Variants in MLYCD observed in about 807,000 individuals in gnomAD.
MLYCD encodes the protein malonyl-CoA decarboxylase.
Under a neutral mutation model 35.8 loss-of-function variants are expected in MLYCD, and 27 were observed. That is an observed-to-expected ratio of 0.75 (90% confidence interval 0.56 to 1.04). The LOEUF is 1.04. Ranked by LOEUF, MLYCD falls within the 50% of genes least tolerant of loss-of-function variation. The pLI is 0.00. For synonymous variants in MLYCD, 403 were observed against 302.4 expected, an observed-to-expected ratio of 1.33 and a Z score of -3.45; for missense variants, 917 against 665.1, an observed-to-expected ratio of 1.38 and a Z score of -4.17.
At chr16:83,905,993 T>G (rs763429168) in intron 1 of MLYCD, among the ~76,000 whole-genome samples, 1 of 152,182 alleles carries the variant, frequency 6.6e-6, no homozygotes, top group Non-Finnish European at 1.5e-5. Flanking sequence ...AGATACAATA[T>G]AAATAAGTGA....
At chr16:83,903,123 T>C (rs548783120) in intron 1 of MLYCD, among the ~76,000 whole-genome samples, 115 of 152,200 alleles carry the variant, frequency 7.6e-4, no homozygotes, top group Non-Finnish European at 1.4e-3. Context: ...TCGAGGAAGG[T>C]TGGCCTTTAA....
rs758786261 is a variant in MLYCD, at chr16:83,912,292, C to T, written c.873C>T (p.Ile291=). 1 of 1,614,190 alleles carries T rather than the reference C, an allele frequency of 6.2e-7. No individual in the cohort carries two copies. The highest frequency in any genetic ancestry group is 1.3e-5 in the African/African-American group (1 of 75,064). The stretch of plus-strand genomic sequence containing the variant: ...TCACTGCTGCGATCTTTTATTCCAT[C>T]AGCTTGACCCAGCAGGGACTCCAAG... ...NKITAAIFYS[I]SLTQQGLQGV... The change falls in exon 4 of 5, where the codon ATC becomes ATT. Residue 291 remains isoleucine (I), a synonymous_variant. Coordinates refer to ENST00000262430, the MANE Select transcript of MLYCD (RefSeq NM_012213.3).
Position 83,915,968 on chromosome 16 carries a change from A to C in MLYCD, c.*479A>C. 9.6e-7 allele frequency: 1 copy of C among 1,044,212 alleles called. No homozygotes were observed. The highest frequency in any genetic ancestry group is 1.2e-6 in the Non-Finnish European group (1 of 864,296). 64.7% of individuals were successfully genotyped at this position (1,044,212 alleles called of 1,614,324 possible). On this transcript the variant is annotated 3_prime_UTR_variant, in exon 5 of 5. Coordinates refer to ENST00000262430, the MANE Select transcript of MLYCD (RefSeq NM_012213.3). ...CTCACCATGCAATGCAGAGGGACAA[A>C]GGGCTGTGCTACACTTCCCAGTTAC...
chr16:83,914,657 T>TG lies in MLYCD; in HGVS notation c.949-297dup, dbSNP rs373995402. 5.1e-4 allele frequency: 222 copies of TG among 438,166 alleles called. 1 individual carries two copies. Among genetic ancestry groups the TG allele is most frequent in the African/African-American group, 4.2e-3 (209 of 49,930 alleles). 27.1% of individuals were successfully genotyped at this position (438,166 alleles called of 1,614,324 possible). A position where few individuals can be genotyped will look rare whatever the true frequency, so the allele number is the denominator to read the frequency against. The stretch of plus-strand genomic sequence containing the variant: ...TGCTGGGTGTGGCGGCGCGAGCCTG[T>TG]GGTCCCAGCTACTCAGCAGGCTGAG... On this transcript the variant is annotated intron_variant, in intron 4 of 4. Transcript: ENST00000262430.
intron 1 of MLYCD, among the ~76,000 whole-genome samples, chr16:83,899,904 A>G (rs1030583197): frequency 2.0e-5 from 3 of 152,320 alleles, no homozygotes; most frequent in Middle Eastern, 3.4e-3. Flanking sequence ...CCTCACTTGT[A>G]TAGTGTTTAC....
chr16:83,899,932 G>A (rs1906724308), intron 1 of MLYCD, among the ~76,000 whole-genome samples: 1 of 152,192 alleles, frequency 6.6e-6, no homozygotes, highest in Non-Finnish European at 1.5e-5. Flanking sequence ...TCAGCACTTG[G>A]TGGTCTTTAA....
chr16:83,910,464 C>A (rs1355003817), intron 3 of MLYCD, among the ~76,000 whole-genome samples: 1 of 151,972 alleles, frequency 6.6e-6, no homozygotes, highest in Non-Finnish European at 1.5e-5. Context: ...AGGAGGCAGC[C>A]GGATCACCTG....
At chr16:83,909,643 C>T (rs1157384282) in intron 3 of MLYCD, among the ~76,000 whole-genome samples, 21 of 135,006 alleles carry the variant, frequency 1.6e-4, no homozygotes, top group African/African-American at 4.8e-4. Flanking sequence ...TTTTTTGAAG[C>T]GGAGTTTCGC....
chr16:83,905,893 G>C (rs923723384), intron 1 of MLYCD, among the ~76,000 whole-genome samples: 2 of 152,242 alleles, frequency 1.3e-5, no homozygotes, highest in Non-Finnish European at 2.9e-5. Context: ...CGCTGCTCCT[G>C]CTCAGGGCCT....
chr16:83,923,159 T>G lies in MLYCD; in HGVS notation c.*7670T>G, dbSNP rs1375700106. On this transcript the variant is annotated 3_prime_UTR_variant, in exon 5 of 5. Coordinates refer to ENST00000262430, the MANE Select transcript of MLYCD (RefSeq NM_012213.3). ...CCTCCAGGGCAAGAACAACCAAGAG[T>G]TGCTCCCAAGAGGGCTTCCCTCCTC... is the stretch of plus-strand genomic sequence containing the variant. 1.3e-5 allele frequency: 2 copies of G among 152,226 alleles called. No homozygotes were observed. Among genetic ancestry groups the G allele is most frequent in the Non-Finnish European group, 2.9e-5 (2 of 68,072 alleles). 9.4% of individuals were successfully genotyped at this position (152,226 alleles called of 1,614,324 possible).
Position 83,899,120 on chromosome 16 carries a change from C to A in MLYCD, c.-25C>A, listed in dbSNP as rs1050690115. 2.7e-6 allele frequency: 3 copies of A among 1,104,608 alleles called. No homozygotes were observed. Among genetic ancestry groups the A allele is most frequent in the East Asian group, 5.8e-5 (1 of 17,112 alleles). 68.4% of individuals were successfully genotyped at this position (1,104,608 alleles called of 1,614,324 possible). ...AGCGCGGCAGCGGCGGCGGCGCTCC[C>A]CCTCGGCAGCTGTTGTGGGGCACCA... On this transcript the variant is annotated 5_prime_UTR_variant, in exon 1 of 5. Transcript: ENST00000262430.
intron 1 of MLYCD, among the ~76,000 whole-genome samples, chr16:83,902,032 T>C (rs1263447099): frequency 6.6e-6 from 1 of 151,872 alleles, no homozygotes; most frequent in Non-Finnish European, 1.5e-5. Flanking sequence ...TTATATTCAG[T>C]GCATGTAACT....
At position 83,916,748 on chromosome 16, in the gene MLYCD, C is replaced by T. The variant is rs1907412964; in HGVS notation, c.*1259C>T. On this transcript the variant is annotated 3_prime_UTR_variant, in exon 5 of 5. Coordinates refer to ENST00000262430, the MANE Select transcript of MLYCD (RefSeq NM_012213.3). ...TCTGTGTGCGTGTGCCCGAGCGTCT[C>T]TGTGTGGATCAGTGCACGTCTGTGT... 8.0e-6 allele frequency: 1 copy of T among 125,198 alleles called. No homozygotes were observed. The highest frequency in any genetic ancestry group is 3.1e-5 in the African/African-American group (1 of 32,230). 7.8% of individuals were successfully genotyped at this position (125,198 alleles called of 1,614,324 possible).
At position 83,915,136 on chromosome 16, in the gene MLYCD, C is replaced by G. The variant is rs1457511069; in HGVS notation, c.1129C>G (p.Leu377Val). Residue 377 changes from leucine (L) to valine (V), a missense_variant, in exon 5 of 5, where the codon CTC (leucine) becomes GTC (valine). Leu to Val is a conservative substitution (Grantham distance 32). Transcript: ENST00000262430. Reference sequence around the variant, plus strand: ...TGGCCCCATTAACGAGACCCTCAAGCTCCTCCTCAGCAGCAGCGAGTGGGT... The same window carrying G: ...TGGCCCCATTAACGAGACCCTCAAGGTCCTCCTCAGCAGCAGCGAGTGGGT... The part of the protein sequence containing the change: ...TGGPINETLK[L>V]LLSSSEWVQS... 1.2e-6 allele frequency: 2 copies of G among 1,614,114 alleles called. No individual in the cohort carries two copies. Among genetic ancestry groups the G allele is most frequent in the African/African-American group, 2.7e-5 (2 of 74,952 alleles).
chr16:83,926,891 GT>G lies in MLYCD; in HGVS notation c.*11404del, dbSNP rs1907824790. 6.6e-6 allele frequency: 1 copy of G among 152,274 alleles called. No individual in the cohort carries two copies. 9.4% of individuals were successfully genotyped at this position (152,274 alleles called of 1,614,324 possible). A position where few individuals can be genotyped will look rare whatever the true frequency, so the allele number is the denominator to read the frequency against. On this transcript the variant is annotated 3_prime_UTR_variant, in exon 5 of 5. Transcript: ENST00000262430. ...TCTGCTCTGCGCTTGGGCGCTGAAT[GT>G]TAAAATTCCTAACAGGTGAATCGCT...
At chr16:83,903,667 G>C (rs1056864714) in intron 1 of MLYCD, among the ~76,000 whole-genome samples, 2 of 152,178 alleles carry the variant, frequency 1.3e-5, no homozygotes, top group Non-Finnish European at 2.9e-5. Context: ...ACACAGAGCC[G>C]GGTGCAGTGG....
At chr16:83,912,127 T>G (rs1907200578) in intron 3 of MLYCD, 91 bp from the exon 4 acceptor site, 23 of 1,570,822 alleles carry the variant, frequency 1.5e-5, no homozygotes. Context: ...TTCAGTGCTC[T>G]GAGAATTGTC....
At position 83,917,449 on chromosome 16, in the gene MLYCD, C is replaced by G. The variant is rs184366845; in HGVS notation, c.*1960C>G. 1.3e-5 allele frequency: 2 copies of G among 154,796 alleles called. No individual in the cohort carries two copies. Among genetic ancestry groups the G allele is most frequent in the East Asian group, 3.9e-4 (2 of 5,184 alleles). 9.6% of individuals were successfully genotyped at this position (154,796 alleles called of 1,614,324 possible). A position where few individuals can be genotyped will look rare whatever the true frequency, so the allele number is the denominator to read the frequency against. ...TGTGTCCGCAGTTGCCCTGTCCTCG[C>G]TGTCCTCGGTTTGGCAGACAGGTCC... On this transcript the variant is annotated 3_prime_UTR_variant, in exon 5 of 5. Coordinates refer to ENST00000262430, the MANE Select transcript of MLYCD (RefSeq NM_012213.3).
chr16:83,909,177 G>A (rs1368806515), intron 3 of MLYCD, among the ~76,000 whole-genome samples: 1 of 152,156 alleles, frequency 6.6e-6, no homozygotes, highest in East Asian at 1.9e-4. Context: ...GGGCAATTTG[G>A]CAACATGGAT....
Sources: allele counts gnomAD v4.1 joint callset (sites outside exome capture counted in the v4.1 genomes callset), GRCh38; gene constraint gnomAD v4.1.1; transcripts MANE v1.5; gene names NCBI Gene and HGNC (gene_info 2026-07-23, HGNC 2026-07-21).